LSAMP: variants seen among roughly 807,000 people sequenced by gnomAD.
LSAMP encodes limbic system-associated membrane protein.
LSAMP carries 7 observed loss-of-function variants against 38.6 expected under a neutral mutation model. The ratio of observed to expected loss-of-function variants is 0.18; its 90% CI spans 0.10 to 0.34. LSAMP has a LOEUF of 0.34. Ranked by LOEUF, LSAMP falls within the 10% of genes least tolerant of loss-of-function variation. LSAMP has a pLI of 1.00. For missense variants in LSAMP, 313 were observed against 420.0 expected (o/e 0.75, Z 2.23); for synonymous variants, 154 against 166.8 (o/e 0.92, Z 0.59).
At chr3:116,059,320 T>C (rs942617280) in intron 2 of LSAMP, among the ~76,000 whole-genome samples, 7 of 152,224 alleles carry the variant, frequency 4.6e-5, no homozygotes, top group African/African-American at 1.4e-4. Context: ...CAACTACTCA[T>C]ATTTTTGAAC....
At chr3:116,164,704 A>G (rs1426021656) in intron 1 of LSAMP, among the ~76,000 whole-genome samples, 1 of 107,916 alleles carries the variant, frequency 9.3e-6, no homozygotes, top group Non-Finnish European at 2.1e-5. Context: ...ATATATATAT[A>G]ATCCAAATAT....
chr3:116,392,624 G>A (rs766957629), intron 1 of LSAMP, among the ~76,000 whole-genome samples: 1 of 152,208 alleles, frequency 6.6e-6, no homozygotes, highest in Non-Finnish European at 1.5e-5. Flanking sequence ...GAACCAGGTG[G>A]GTCCCTGGTG....
At chr3:115,844,747 T>A (rs1239722957) in intron 4 of LSAMP, among the ~76,000 whole-genome samples, 1 of 152,070 alleles carries the variant, frequency 6.6e-6, no homozygotes, top group South Asian at 2.1e-4. Context: ...GAGGCCCAAG[T>A]GGGTGGATCA....
chr3:116,302,910 T>C (rs77906517), intron 1 of LSAMP, among the ~76,000 whole-genome samples: 8,919 of 152,280 alleles, frequency 0.059, 326 homozygotes, highest in Middle Eastern at 0.11. Flanking sequence ...AAGTTAGTCA[T>C]ATACATTTTT....
At chr3:115,865,954 T>A (rs1935846228) in intron 3 of LSAMP, among the ~76,000 whole-genome samples, 2 of 152,174 alleles carry the variant, frequency 1.3e-5, no homozygotes, top group South Asian at 2.1e-4. Context: ...CAATTCCCAT[T>A]TCTGAACTAA....
chr3:115,893,634 ATAT>A lies in LSAMP; in HGVS notation c.515-41020_515-41018del, dbSNP rs1403771234. Among the ~76,000 whole-genome samples, 3 of 152,048 alleles carry A rather than the reference ATAT, an allele frequency of 2.0e-5. No individual in the cohort carries two copies. In the South Asian group the frequency reaches 6.2e-4, roughly 31 times the overall value. ...GTTGTCTCTTTATTTGCTCTATAAA[ATAT>A]TATAAAAGTGTAGTCTTATGAAGAA... On this transcript the variant is annotated intron_variant, in intron 3 of 6. Coordinates refer to ENST00000490035, the MANE Select transcript of LSAMP (RefSeq NM_002338.5).
At chr3:116,090,838 T>C (rs887820159) in intron 1 of LSAMP, among the ~76,000 whole-genome samples, 19 of 152,212 alleles carry the variant, frequency 1.2e-4, no homozygotes, top group African/African-American at 3.6e-4. Context: ...AACAGAGTAA[T>C]AGAATATCAT....
chr3:115,915,337 C>T (rs565615613), intron 3 of LSAMP, among the ~76,000 whole-genome samples: 1 of 152,322 alleles, frequency 6.6e-6, no homozygotes, highest in South Asian at 2.1e-4. Flanking sequence ...TGGAGTTTCT[C>T]CAGTGTCTGC....
At chr3:116,264,907 G>GCCTAATCTCTAGCAGCA (rs969847252) in intron 1 of LSAMP, among the ~76,000 whole-genome samples, 2 of 152,066 alleles carry the variant, frequency 1.3e-5, no homozygotes, top group Non-Finnish European at 2.9e-5. Flanking sequence ...ATAGAGTTCT[G>GCCTAATCTCTAGCAGCA]CCTAATCTCT....
chr3:116,435,624 C>T (rs1229948321), intron 1 of LSAMP, among the ~76,000 whole-genome samples: 1 of 152,124 alleles, frequency 6.6e-6, no homozygotes, highest in Non-Finnish European at 1.5e-5. Flanking sequence ...CACTCAGGAG[C>T]CAGAGCTGGA....
At chr3:116,209,811 G>GCT (rs2046129605) in intron 1 of LSAMP, among the ~76,000 whole-genome samples, 1 of 152,098 alleles carries the variant, frequency 6.6e-6, no homozygotes. Context: ...GAGCGCAGTG[G>GCT]CACGATCTCC....
intron 3 of LSAMP, among the ~76,000 whole-genome samples, chr3:116,000,913 T>A (rs1384845024): frequency 6.6e-6 from 1 of 152,202 alleles, no homozygotes; most frequent in East Asian, 1.9e-4. Flanking sequence ...TCTCATTCTA[T>A]TTCTGTTGTC....
At chr3:116,238,803 T>C (rs755798096) in intron 1 of LSAMP, among the ~76,000 whole-genome samples, 5 of 152,132 alleles carry the variant, frequency 3.3e-5, no homozygotes, top group Non-Finnish European at 7.4e-5. Context: ...ATTTTCTGTC[T>C]TCAGCAGGAA....
intron 3 of LSAMP, among the ~76,000 whole-genome samples, chr3:115,946,651 T>C (rs1402706791): frequency 1.3e-5 from 2 of 152,166 alleles, no homozygotes; most frequent in Non-Finnish European, 2.9e-5. Flanking sequence ...TTAAAATCTT[T>C]CTACAAAGTA....
At chr3:116,302,142 T>C (rs2047418569) in intron 1 of LSAMP, among the ~76,000 whole-genome samples, 1 of 152,200 alleles carries the variant, frequency 6.6e-6, no homozygotes, top group Admixed American at 6.5e-5. Flanking sequence ...AATAATGCAA[T>C]AGAAAAGATC....
intron 3 of LSAMP, among the ~76,000 whole-genome samples, chr3:115,872,021 A>C (rs924723104): frequency 1.3e-5 from 2 of 152,098 alleles, no homozygotes; most frequent in Non-Finnish European, 2.9e-5. Flanking sequence ...TAAAATATTC[A>C]TGTCTAGTTG....
chr3:116,073,108 T>G (rs903313758), intron 2 of LSAMP, among the ~76,000 whole-genome samples: 4 of 152,202 alleles, frequency 2.6e-5, no homozygotes, highest in African/African-American at 9.7e-5. Context: ...GTGGTCCAAT[T>G]TCAATTTTCT....
At chr3:116,354,227 C>T (rs2107769275) in intron 1 of LSAMP, among the ~76,000 whole-genome samples, 1 of 152,260 alleles carries the variant, frequency 6.6e-6, no homozygotes. Context: ...GCCATATACC[C>T]TCGGTTCTTT....
intron 1 of LSAMP, among the ~76,000 whole-genome samples, chr3:116,371,091 G>A (rs1252640157): frequency 6.6e-6 from 1 of 152,142 alleles, no homozygotes; most frequent in Non-Finnish European, 1.5e-5. Context: ...CAACAGCCCA[G>A]TAACTGATGG....
Sources: gnomAD v4.1 joint callset for allele counts (sites outside exome capture counted in the v4.1 genomes callset) on GRCh38, gnomAD v4.1.1 for gene constraint, MANE v1.5 for transcripts, NCBI Gene and HGNC (gene_info 2026-07-23, HGNC 2026-07-21) for gene names.